Variants in IARS1 observed in about 807,000 individuals in gnomAD.
IARS1 encodes isoleucyl-tRNA synthetase 1, also known as isoleucine--tRNA ligase, cytoplasmic.
In IARS1, 124 loss-of-function variants were observed where a neutral mutation model predicts 168.2. That is an observed-to-expected ratio of 0.74 (90% CI 0.64 to 0.86). IARS1 has a LOEUF of 0.86. Among genes scored for constraint, IARS1 ranks in the 40% least tolerant of loss-of-function variants. The probability of loss-of-function intolerance (pLI) is 0.00; values close to 1 mark genes in which losing one functional copy is unlikely to be tolerated. For synonymous variants in IARS1, 532 were observed against 529.4 expected (o/e 1.00, Z -0.07); for missense variants, 1,452 against 1,515.8 (o/e 0.96, Z 0.70).
At chr9:92,241,134 CTCT>C (rs899342369) in intron 29 of IARS1, among the ~76,000 whole-genome samples, 173 bp from the exon 30 acceptor site, 6 of 152,270 alleles carry the variant, frequency 3.9e-5, no homozygotes, top group African/African-American at 7.2e-5. Flanking sequence ...CATTTTTCTT[CTCT>C]TCTTATCCTG....
chr9:92,217,438 G>T (rs1838902293), intron 33 of IARS1, among the ~76,000 whole-genome samples: 1 of 139,098 alleles, frequency 7.2e-6, no homozygotes, highest in African/African-American at 2.9e-5. Context: ...CAGAACTGAA[G>T]GAAATAGAGA....
intron 33 of IARS1, among the ~76,000 whole-genome samples, chr9:92,211,715 G>T (rs1013283429): frequency 6.6e-6 from 1 of 152,190 alleles, no homozygotes; most frequent in Non-Finnish European, 1.5e-5. Flanking sequence ...CCTAGAGGCT[G>T]TGCCAACTCA....
chr9:92,267,073 G>A (rs936474440), intron 14 of IARS1, among the ~76,000 whole-genome samples: 3 of 152,132 alleles, frequency 2.0e-5, no homozygotes, highest in Admixed American at 6.5e-5. Flanking sequence ...ATTATGTGGT[G>A]CATGACTATA....
In IARS1 at chr9:92,243,277, G is replaced by A. The variant is rs1828715424; in HGVS notation, c.2939C>T (p.Ser980Leu). Residue 980 changes from serine to leucine, a missense_variant, in exon 28 of 34, where the codon TCA becomes TTA. By Grantham distance (145) the Ser-to-Leu change is moderately radical. Coordinates refer to ENST00000443024, the MANE Select transcript of IARS1 (RefSeq NM_002161.6). ...LVLLDVTPDQ[S>L]MVDEGMAREV... ...CCGAGCCATTCCTTCATCTACCATT[G>A]ACTGGTCAGGAGTGACATCTAAGAG... The A allele has an allele frequency of 6.2e-7, 1 of 1,613,470 alleles. No homozygotes were observed. The highest frequency in any genetic ancestry group is 8.5e-7 in the Non-Finnish European group (1 of 1,179,566).
At chr9:92,259,036 A>G (rs754576988) in intron 18 of IARS1, 38 bp from the exon 19 acceptor site, 10 of 1,550,924 alleles carry the variant, frequency 6.4e-6, no homozygotes, top group Non-Finnish European at 8.7e-6. Context: ...AAAGGTACTT[A>G]GACAGTAAAC....
At chr9:92,252,089 C>A (rs896231684) in intron 21 of IARS1, among the ~76,000 whole-genome samples, 2 of 152,212 alleles carry the variant, frequency 1.3e-5, no homozygotes, top group African/African-American at 2.4e-5. Context: ...GTGCAGGAGG[C>A]CTGGCCAGGA....
intron 10 of IARS1, among the ~76,000 whole-genome samples, chr9:92,273,652 A>G (rs1474651029): frequency 1.3e-5 from 2 of 152,266 alleles, no homozygotes; most frequent in African/African-American, 2.4e-5. Flanking sequence ...ACTATACAAC[A>G]TATCAATGTA....
chr9:92,210,783 C>T lies in IARS1; in HGVS notation c.*24G>A, dbSNP rs1456006042. 2.0e-6 allele frequency: 3 copies of T among 1,474,544 alleles called. No homozygotes were observed. Among genetic ancestry groups the T allele is most frequent in the African/African-American group, 1.4e-5 (1 of 71,560 alleles). The allele number at this position is 1,474,544 out of a possible 1,614,324, so 91.3% of individuals were successfully genotyped here. A position where few individuals can be genotyped will look rare whatever the true frequency, so the allele number is the denominator to read the frequency against. ...ATAGGTGTAATTAGGGAAGGGCTGA[C>T]CGAACAACATTGATAAGTACATGCT... is the stretch of plus-strand genomic sequence containing the variant. On this transcript the variant is annotated 3_prime_UTR_variant, in exon 34 of 34. Transcript: ENST00000443024.
In IARS1 at chr9:92,210,821, T is replaced by A; in HGVS notation, c.3775A>T (p.Thr1259Ser). The A allele has an allele frequency of 6.2e-7, 1 of 1,608,230 alleles. No individual in the cohort carries two copies. The change falls in exon 34 of 34, where the codon ACA (threonine) becomes TCA (serine). Residue 1259 changes from threonine to serine, a missense_variant. By Grantham distance (58) the Thr-to-Ser change is moderately conservative (BLOSUM62 1). Transcript: ENST00000443024. Reference protein sequence around the residue: ...KTVYVSVLPTTADF With the variant: ...KTVYVSVLPTSADF ...ATAAGTACATGCTAGAAGTCTGCTG[T>A]TGTTGGTAACACAGAAACATACACA... is the stretch of plus-strand genomic sequence containing the variant.
chr9:92,215,477 C>A (rs1838513567), intron 33 of IARS1, among the ~76,000 whole-genome samples: 1 of 152,054 alleles, frequency 6.6e-6, no homozygotes, highest in Non-Finnish European at 1.5e-5. Flanking sequence ...TTACTCTGAG[C>A]TATGGGAGGA....
intron 16 of IARS1, 76 bp from the exon 17 acceptor site, chr9:92,263,131 T>A (rs191639813): frequency 9.9e-7 from 1 of 1,007,564 alleles, no homozygotes; most frequent in African/African-American, 1.6e-5. Context: ...TATTTATTCA[T>A]TGAATTTCTA....
chr9:92,270,148 T>C (rs754272290), intron 12 of IARS1, among the ~76,000 whole-genome samples, 165 bp from the exon 13 acceptor site: 2 of 152,224 alleles, frequency 1.3e-5, no homozygotes, highest in Non-Finnish European at 2.9e-5. Flanking sequence ...AAATTGGTCA[T>C]ATCTTTCCAC....
chr9:92,268,999 GCA>G (rs1832670932), intron 13 of IARS1, among the ~76,000 whole-genome samples: 1 of 152,056 alleles, frequency 6.6e-6, no homozygotes, highest in South Asian at 2.1e-4. Context: ...CTTGGGCACT[GCA>G]GTTACTGCCC....
rs1398707520 is a variant in IARS1 at position 92,271,536 on chromosome 9, C to T, written c.1110G>A (p.Val370=). 2 of 1,614,060 alleles carry T rather than the reference C, an allele frequency of 1.2e-6. No homozygotes were observed. Among genetic ancestry groups the T allele is most frequent in the East Asian group, 2.2e-5 (1 of 44,876 alleles). The part of the protein sequence containing the change: ...TEVTDFAGQY[V]KDADKSIIRT... ...CTATGCTATATGGATTACAGACCTT[C>T]ACATACTGTCCTGCGAAATCTGTCA... Residue 370 remains valine (V), a synonymous_variant, in exon 11 of 34, where the codon GTG becomes GTA. Coordinates refer to ENST00000443024, the MANE Select transcript of IARS1 (RefSeq NM_002161.6).
At chr9:92,231,591 GT>G (rs113987313) in intron 30 of IARS1, among the ~76,000 whole-genome samples, 24,347 of 124,944 alleles carry the variant, frequency 0.19, 2,149 homozygotes, top group South Asian at 0.32. Flanking sequence ...TTTTGTATTT[GT>G]TTTTTTTTTT....
chr9:92,249,285 C>T (rs1316308423), intron 25 of IARS1, among the ~76,000 whole-genome samples: 4 of 152,234 alleles, frequency 2.6e-5, no homozygotes, highest in African/African-American at 7.2e-5. Context: ...GGCACAGTGG[C>T]TCATGCCTGT....
At chr9:92,251,928 AGT>A in intron 21 of IARS1, 43 bp from the exon 22 acceptor site, 1 of 1,326,406 alleles carries the variant, frequency 7.5e-7, no homozygotes, top group African/African-American at 1.5e-5. Context: ...CTGTTAAATA[AGT>A]GTTTATCATT....
In IARS1 at chr9:92,265,480, C is replaced by T. The variant is rs1832151618; in HGVS notation, c.1505G>A (p.Ser502Asn). Reference sequence around the variant, plus strand: ...GTGAATCGAACATTTAGAAACTGACCTCTCTCTGTGGAGATCTGAGATCTT... The same window carrying T: ...GTGAATCGAACATTTAGAAACTGACTTCTCTCTGTGGAGATCTGAGATCTT... The part of the protein sequence containing the change: ...GAKISDLHRE[S>N]VDHLTIPSRC... The change falls in exon 15 of 34, where the codon AGT becomes AAT. Residue 502 changes from serine (S) to asparagine (N), a missense_variant and splice_region_variant. Physicochemically the swap from Ser to Asn is conservative, Grantham distance 46. Transcript: ENST00000443024. 3 of 1,612,970 alleles carry T rather than the reference C, an allele frequency of 1.9e-6. No homozygotes were observed. Among genetic ancestry groups the T allele is most frequent in the African/African-American group, 2.7e-5 (2 of 74,882 alleles).
Position 92,256,805 on chromosome 9 carries a change from G to T in IARS1, c.2017-5C>A, listed in dbSNP as rs749027914. On this transcript the variant is annotated splice_polypyrimidine_tract_variant and splice_region_variant and intron_variant, in intron 19 of 33. Coordinates refer to ENST00000443024, the MANE Select transcript of IARS1 (RefSeq NM_002161.6). ...GAGAAATTCTATTTCTTCCTCCTAG[G>T]AAGGAACAATTAATGAAACACTGGC... is the stretch of plus-strand genomic sequence containing the variant. The T allele has an allele frequency of 1.2e-6, 2 of 1,607,064 alleles. No homozygotes were observed. Among genetic ancestry groups the T allele is most frequent in the Non-Finnish European group, 1.7e-6 (2 of 1,175,624 alleles).
Sources: allele counts gnomAD v4.1 joint callset (sites outside exome capture counted in the v4.1 genomes callset), GRCh38; gene constraint gnomAD v4.1.1; transcripts MANE v1.5; gene names NCBI Gene and HGNC (gene_info 2026-07-23, HGNC 2026-07-21).